The following TEX29 variants were observed in gnomAD, a reference collection of about 807,000 sequenced individuals.
The protein encoded by TEX29 is testis expressed 29, also known as testis-expressed protein 29.
In TEX29, 26 loss-of-function variants were observed where a neutral mutation model predicts 18.2. The ratio of observed to expected loss-of-function variants is 1.43; its 90% CI spans 1.04 to 1.98. The LOEUF (loss-of-function observed/expected upper bound fraction) is 1.98. Among genes scored for constraint, TEX29 ranks in the 30% most tolerant of loss-of-function variants. The pLI, the probability that TEX29 is intolerant of heterozygous loss-of-function variation, is 0.00. For missense variants in TEX29, 177 were observed against 194.2 expected (o/e 0.91, Z 0.53); for synonymous variants, 83 against 78.5 (o/e 1.06, Z -0.31).
intron 2 of TEX29, among the ~76,000 whole-genome samples, chr13:111,323,774 C>T (rs7981271): frequency 0.041 from 6,273 of 151,188 alleles, 276 homozygotes; most frequent in African/African-American, 0.12. Flanking sequence ...GGTTCACACG[C>T]GCTCCAGGCA....
chr13:111,339,688 A>C (rs1473436394), intron 3 of TEX29, among the ~76,000 whole-genome samples, 175 bp from the exon 4 acceptor site: 1 of 142,990 alleles, frequency 7.0e-6, no homozygotes, highest in Non-Finnish European at 1.5e-5. Context: ...GCCTTTGGAG[A>C]TGTCCACAGA....
upstream of TEX29, among the ~76,000 whole-genome samples, chr13:111,319,571 C>G (rs894672511): frequency 6.6e-6 from 1 of 152,148 alleles, no homozygotes; most frequent in Non-Finnish European, 1.5e-5. Context: ...GCGTCCTCGG[C>G]TCACCATTGA....
chr13:111,330,293 C>T (rs2093680715), intron 3 of TEX29, among the ~76,000 whole-genome samples: 1 of 152,206 alleles, frequency 6.6e-6, no homozygotes, highest in African/African-American at 2.4e-5. Context: ...TTCTGGCTTG[C>T]TCCAGAGAGG....
At position 111,344,149 on chromosome 13, in the gene TEX29, T is replaced by G; in HGVS notation, c.*26T>G. ...CTGAGACGCATGAAGAAGTGGAGAT[T>G]GTCAGAATTATCCAAATGAAATGGT... On this transcript the variant is annotated 3_prime_UTR_variant, in exon 6 of 6. Transcript: ENST00000283547. 1 of 1,605,588 alleles carries G rather than the reference T, an allele frequency of 6.2e-7. No individual in the cohort carries two copies. Among genetic ancestry groups the G allele is most frequent in the Non-Finnish European group, 8.5e-7 (1 of 1,172,604 alleles).
In TEX29 at chr13:111,320,861, G is replaced by A; in HGVS notation, c.-30G>A. 6.2e-7 allele frequency: 1 copy of A among 1,613,618 alleles called. No homozygotes were observed. Among genetic ancestry groups the A allele is most frequent in the Middle Eastern group, 1.6e-4 (1 of 6,062 alleles). On this transcript the variant is annotated 5_prime_UTR_variant, in exon 2 of 6. Coordinates refer to ENST00000283547, the MANE Select transcript of TEX29 (RefSeq NM_152324.3). ...CTGACCTCTCCTGTTTTCCAGGTGTGCTCGGCCCCTTCATCTGTCAGCTGC... is the reference window on the plus strand; with the variant it reads ...CTGACCTCTCCTGTTTTCCAGGTGTACTCGGCCCCTTCATCTGTCAGCTGC...
chr13:111,322,829 A>T (rs1366949020), intron 2 of TEX29, among the ~76,000 whole-genome samples: 3 of 152,028 alleles, frequency 2.0e-5, no homozygotes, highest in Admixed American at 1.3e-4. Context: ...AGGCTGTGAA[A>T]TGACAAGGTC....
chr13:111,327,097 TCA>T (rs930209216), intron 2 of TEX29, among the ~76,000 whole-genome samples: 4 of 152,072 alleles, frequency 2.6e-5, no homozygotes, highest in African/African-American at 9.7e-5. Flanking sequence ...TCAGCTCAAA[TCA>T]CACACAGCCA....
In TEX29 at chr13:111,328,233, C is replaced by G; in HGVS notation, c.109C>G (p.Arg37Gly). The change falls in exon 3 of 6, where the codon CGA becomes GGA. Residue 37 changes from arginine to glycine, a missense_variant. By Grantham distance (125) the Arg-to-Gly change is moderately radical. Coordinates refer to ENST00000283547, the MANE Select transcript of TEX29 (RefSeq NM_152324.3). ...DICDYNVSRD[R>G]CQELGCCFYE... is the part of the protein sequence containing the mutation. ...TTGTGACTACAACGTCTCCAGGGAC[C>G]GATGCCAGGAGCTCGGGTGCTGCTT... The G allele has an allele frequency of 6.2e-7, 1 of 1,613,988 alleles. No individual in the cohort carries two copies. The highest frequency in any genetic ancestry group is 8.5e-7 in the Non-Finnish European group (1 of 1,179,974).
intron 3 of TEX29, among the ~76,000 whole-genome samples, chr13:111,331,964 A>G (rs1262572372): frequency 1.3e-5 from 2 of 152,182 alleles, no homozygotes; most frequent in East Asian, 3.8e-4. Flanking sequence ...TTTGCAGTAA[A>G]TTTTGAAATC....
chr13:111,336,801 A>G (rs1458788283), intron 3 of TEX29, among the ~76,000 whole-genome samples: 1 of 152,262 alleles, frequency 6.6e-6, no homozygotes, highest in African/African-American at 2.4e-5. Flanking sequence ...TGTAATAAAT[A>G]GTGTTGCTAG....
At chr13:111,317,956 C>T (rs986782218), upstream of TEX29, among the ~76,000 whole-genome samples, 4 of 152,236 alleles carry the variant, frequency 2.6e-5, no homozygotes, top group East Asian at 3.8e-4. Flanking sequence ...GACAGGGCCA[C>T]GCTTACAACC....
At chr13:111,320,469 G>A (rs2093661943), upstream of TEX29, among the ~76,000 whole-genome samples, 4 of 152,184 alleles carry the variant, frequency 2.6e-5, no homozygotes, top group Admixed American at 2.6e-4. Context: ...TCTTGCCCCT[G>A]GAACTCCCTC....
chr13:111,325,595 G>A (rs1442695342), intron 2 of TEX29, among the ~76,000 whole-genome samples: 17 of 152,172 alleles, frequency 1.1e-4, no homozygotes, highest in Non-Finnish European at 2.2e-4. Flanking sequence ...GAGGGTGGAG[G>A]GCCGGGCTAG....
intron 2 of TEX29, among the ~76,000 whole-genome samples, chr13:111,326,727 C>A (rs1000280741): frequency 6.8e-6 from 1 of 147,646 alleles, no homozygotes; most frequent in Admixed American, 6.8e-5. Flanking sequence ...GAGGAGACTG[C>A]GGGCAGTGCG....
chr13:111,342,780 A>T lies in TEX29; in HGVS notation c.264A>T (p.Glu88Asp). The change falls in exon 5 of 6, where the codon GAA becomes GAT. Residue 88 changes from glutamate to aspartate, a missense_variant. By Grantham distance (45) the Glu-to-Asp change is conservative. Coordinates refer to ENST00000283547, the MANE Select transcript of TEX29 (RefSeq NM_152324.3). ...GAGTCATTCAGGAGAGCAGGAAAGA[A>T]AAGGCCATCCCTGTGGATGTCGCGC... The part of the protein sequence containing the change: ...IYRVIQESRK[E>D]KAIPVDVALP... 1 of 1,614,074 alleles carries T rather than the reference A, an allele frequency of 6.2e-7. No homozygotes were observed. The highest frequency in any genetic ancestry group is 8.5e-7 in the Non-Finnish European group (1 of 1,180,008).
chr13:111,328,188 G>A lies in TEX29; in HGVS notation c.64G>A (p.Asp22Asn), dbSNP rs2093677130. ...RHLLKQFTVC[D>N]VPLYDICDYN... ...GTATGTCTGTGCTTTTGCAGTGTGT[G>A]ACGTTCCTCTGTATGACATTTGTGA... The change falls in exon 3 of 6, where the codon GAC (aspartate) becomes AAC (asparagine). Residue 22 changes from aspartate (D) to asparagine (N), a missense_variant. Asp to Asn is a conservative substitution (Grantham distance 23). Coordinates refer to ENST00000283547, the MANE Select transcript of TEX29 (RefSeq NM_152324.3). 6.2e-7 allele frequency: 1 copy of A among 1,610,694 alleles called. No individual in the cohort carries two copies. The highest frequency in any genetic ancestry group is 2.2e-5 in the East Asian group (1 of 44,828).
chr13:111,331,298 G>T (rs1341488243), intron 3 of TEX29, among the ~76,000 whole-genome samples: 2 of 142,700 alleles, frequency 1.4e-5, no homozygotes, highest in Non-Finnish European at 3.0e-5. Context: ...AATGAATAAT[G>T]ATGTTCACCA....
At chr13:111,322,025 C>T (rs2093665477) in intron 2 of TEX29, among the ~76,000 whole-genome samples, 1 of 152,258 alleles carries the variant, frequency 6.6e-6, no homozygotes, top group South Asian at 2.1e-4. Flanking sequence ...ACCTCTCAGG[C>T]TGGCCAAGAT....
intron 4 of TEX29, among the ~76,000 whole-genome samples, chr13:111,341,942 T>A (rs1274533955): frequency 6.6e-6 from 1 of 152,220 alleles, no homozygotes; most frequent in African/African-American, 2.4e-5. Context: ...TAACTCAGGC[T>A]CCCAGTTGTC....
Sources: gnomAD v4.1 joint callset for allele counts (sites outside exome capture counted in the v4.1 genomes callset) on GRCh38, gnomAD v4.1.1 for gene constraint, MANE v1.5 for transcripts, NCBI Gene and HGNC (gene_info 2026-07-23, HGNC 2026-07-21) for gene names.